Variants in TANC1 observed in about 807,000 individuals in gnomAD.
The protein encoded by TANC1 is tetratricopeptide repeat, ankyrin repeat and coiled-coil containing 1.
In TANC1, 77 loss-of-function variants were observed where a neutral mutation model predicts 149.7. That is an observed-to-expected ratio of 0.51 (90% CI 0.43 to 0.62). The LOEUF (loss-of-function observed/expected upper bound fraction) is 0.62. Ranked by LOEUF, TANC1 falls within the 20% of genes least tolerant of loss-of-function variation. The pLI is 0.00. For missense variants in TANC1, 1,985 were observed against 2,321.8 expected (o/e 0.85, Z 2.98); for synonymous variants, 854 against 925.0 (o/e 0.92, Z 1.39).
intron 19 of TANC1, among the ~76,000 whole-genome samples, chr2:159,211,544 C>T (rs2058982272): frequency 6.6e-6 from 1 of 152,218 alleles, no homozygotes; most frequent in Non-Finnish European, 1.5e-5. Flanking sequence ...AGAGGTCGGC[C>T]TTTGCAGCAG....
chr2:159,219,387 T>G, intron 21 of TANC1, 26 bp downstream of exon 21: 3 of 1,613,936 alleles, frequency 1.9e-6, no homozygotes, highest in Non-Finnish European at 2.5e-6. Flanking sequence ...CCTCAAAGGT[T>G]TCTTTTGGAC....
chr2:158,969,532 G>C (rs1320174003), intron 1 of TANC1, among the ~76,000 whole-genome samples: 35 of 152,292 alleles, frequency 2.3e-4, no homozygotes, highest in Admixed American at 2.3e-3. Flanking sequence ...GGTCATTTTC[G>C]GGGGACGATA....
At chr2:158,972,658 C>G (rs1166818415) in intron 1 of TANC1, among the ~76,000 whole-genome samples, 1 of 152,160 alleles carries the variant, frequency 6.6e-6, no homozygotes, top group Non-Finnish European at 1.5e-5. Context: ...GCTTTTTAAA[C>G]TTATTCTCAG....
At chr2:159,106,017 C>G (rs796281876) in intron 4 of TANC1, among the ~76,000 whole-genome samples, 2 of 151,520 alleles carry the variant, frequency 1.3e-5, no homozygotes, top group African/African-American at 4.8e-5. Flanking sequence ...AATTAGGTTA[C>G]AGTGTTTTAT....
chr2:159,061,963 C>T (rs114227080), intron 2 of TANC1, among the ~76,000 whole-genome samples: 10 of 152,140 alleles, frequency 6.6e-5, no homozygotes, highest in African/African-American at 9.7e-5. Flanking sequence ...GTAGGCCGGG[C>T]GTGGTAGTTC....
chr2:159,074,720 T>C (rs935759466), intron 3 of TANC1, among the ~76,000 whole-genome samples: 2 of 152,274 alleles, frequency 1.3e-5, no homozygotes, highest in African/African-American at 4.8e-5. Context: ...GTTGTCTTAG[T>C]CTGCTTGAGC....
At chr2:159,158,670 A>G (rs184538284) in intron 7 of TANC1, among the ~76,000 whole-genome samples, 28 of 152,224 alleles carry the variant, frequency 1.8e-4, no homozygotes, top group African/African-American at 5.3e-4. Flanking sequence ...AGGGCAAGAG[A>G]AAAGATGCAT....
chr2:158,989,609 C>CA (rs35891573), intron 1 of TANC1, among the ~76,000 whole-genome samples: 2,143 of 87,360 alleles, frequency 0.025, 21 homozygotes, highest in African/African-American at 0.047. Context: ...GACTCAGTCT[C>CA]AAAAAAAAAA....
At chr2:159,191,526 G>A (rs1319527274) in intron 16 of TANC1, among the ~76,000 whole-genome samples, 3 of 152,132 alleles carry the variant, frequency 2.0e-5, no homozygotes, top group Admixed American at 6.5e-5. Flanking sequence ...GTCACAGCAC[G>A]TGTTGGGTCC....
At chr2:159,084,172 C>G (rs1390243750) in intron 3 of TANC1, among the ~76,000 whole-genome samples, 6 of 151,976 alleles carry the variant, frequency 3.9e-5, no homozygotes, top group Admixed American at 3.3e-4. Context: ...ATGGCTTGAA[C>G]CTGGGAGGTG....
chr2:158,998,521 GT>G (rs2036338012), intron 1 of TANC1, among the ~76,000 whole-genome samples: 1 of 152,220 alleles, frequency 6.6e-6, no homozygotes, highest in Non-Finnish European at 1.5e-5. Context: ...TTGACGCTAT[GT>G]GATTGTGCCC....
At chr2:159,045,842 G>A (rs1283380805) in intron 2 of TANC1, among the ~76,000 whole-genome samples, 1 of 152,114 alleles carries the variant, frequency 6.6e-6, no homozygotes, top group African/African-American at 2.4e-5. Flanking sequence ...AATTGCATGC[G>A]ATAGCATTTT....
At position 159,230,719 on chromosome 2, in the gene TANC1, G is replaced by A. The variant is rs769329225; in HGVS notation, c.5293G>A (p.Ala1765Thr). The A allele has an allele frequency of 6.2e-7, 1 of 1,614,194 alleles. No homozygotes were observed. The highest frequency in any genetic ancestry group is 1.7e-5 in the Admixed American group (1 of 60,024). ...GTCTTCTGCAGCTGGCCTGCAGTCTGCTAACACTGAGAAGCCCTCTCTCAT... is the reference window on the plus strand; with the variant it reads ...GTCTTCTGCAGCTGGCCTGCAGTCTACTAACACTGAGAAGCCCTCTCTCAT... ...NTSSAAGLQSANTEKPSLMQV... is the reference protein window; with the variant it reads ...NTSSAAGLQSTNTEKPSLMQV... The change falls in exon 27 of 27, where the codon GCT (alanine) becomes ACT (threonine). Residue 1765 changes from alanine to threonine, a missense_variant. Coordinates refer to ENST00000263635, the MANE Select transcript of TANC1 (RefSeq NM_033394.3). This position sits in a 1 kb window ranked among gnomAD's most constrained non-coding sequence, Gnocchi z 4.4.
chr2:159,087,887 CT>C (rs1559234608), intron 3 of TANC1, among the ~76,000 whole-genome samples: 5 of 147,924 alleles, frequency 3.4e-5, no homozygotes, highest in Non-Finnish European at 7.4e-5. Context: ...GACTGTTGTC[CT>C]TAGGAGACAC....
At chr2:159,017,059 A>G (rs2038355984) in intron 2 of TANC1, among the ~76,000 whole-genome samples, 1 of 152,112 alleles carries the variant, frequency 6.6e-6, no homozygotes, top group South Asian at 2.1e-4. Flanking sequence ...AGTAATTGCT[A>G]TTTGATGTAC....
intron 5 of TANC1, among the ~76,000 whole-genome samples, chr2:159,138,910 C>T (rs888036181): frequency 4.6e-5 from 7 of 152,178 alleles, no homozygotes; most frequent in African/African-American, 1.7e-4. Context: ...TCTTAGCTCT[C>T]TGTTTGGATT....
intron 19 of TANC1, among the ~76,000 whole-genome samples, chr2:159,205,041 G>A (rs1041839947): frequency 1.3e-5 from 2 of 152,250 alleles, no homozygotes; most frequent in African/African-American, 4.8e-5. Context: ...CTGCAGCTGG[G>A]GTGGGTGTTT....
At chr2:159,125,585 C>T (rs569586004) in intron 4 of TANC1, among the ~76,000 whole-genome samples, 2 of 137,766 alleles carry the variant, frequency 1.5e-5, no homozygotes, top group African/African-American at 5.3e-5. Context: ...CTCCCTCCCT[C>T]CCTTCCTTCC....
intron 8 of TANC1, among the ~76,000 whole-genome samples, chr2:159,165,470 T>C (rs2054493576): frequency 6.6e-6 from 1 of 152,226 alleles, no homozygotes; most frequent in South Asian, 2.1e-4. Flanking sequence ...AAAGGCCTAT[T>C]TCATGATATC....
Sources: gnomAD v4.1 joint callset for allele counts (sites outside exome capture counted in the v4.1 genomes callset) on GRCh38, gnomAD v4.1.1 for gene constraint, Gnocchi (gnomAD v3.1) non-coding constraint, MANE v1.5 for transcripts, NCBI Gene and HGNC (gene_info 2026-07-23, HGNC 2026-07-21) for gene names.